The following LIN28B variants were observed in gnomAD, a reference collection of about 807,000 sequenced individuals.
LIN28B encodes protein lin-28 homolog B.
A neutral mutation model predicts 21.9 loss-of-function variants in LIN28B; 5 were observed. The ratio of observed to expected loss-of-function variants is 0.23; its 90% confidence interval spans 0.12 to 0.48. LIN28B has a LOEUF of 0.48. Among genes scored for constraint, LIN28B ranks in the 20% least tolerant of loss-of-function variants. The pLI, the probability that LIN28B is intolerant of heterozygous loss-of-function variation, is 0.98. For missense variants in LIN28B, 245 were observed against 310.5 expected (o/e 0.79, Z 1.58); for synonymous variants, 109 against 111.3 (o/e 0.98, Z 0.13).
Position 105,063,925 on chromosome 6 carries a change from T to C in LIN28B, c.384-14489T>C, listed in dbSNP as rs1582928270. Among the ~76,000 whole-genome samples, 3 of 150,400 alleles carry C rather than the reference T, an allele frequency of 2.0e-5. No individual in the cohort carries two copies. In the South Asian group the frequency reaches 6.2e-4, roughly 31 times the overall value. ...AATAATTATTATATTATAATTATTT[T>C]ATCTTTTAGTGTAGTTGGAAATAGG... On this transcript the variant is annotated intron_variant, in intron 3 of 3. Coordinates refer to ENST00000345080, the MANE Select transcript of LIN28B (RefSeq NM_001004317.4).
In LIN28B at chr6:105,043,561, C is replaced by T. The variant is rs186890549; in HGVS notation, c.383+17079C>T. On this transcript the variant is annotated intron_variant, in intron 3 of 3. Coordinates refer to ENST00000345080, the MANE Select transcript of LIN28B (RefSeq NM_001004317.4). ...AATTTTTAACCAGTTACTTAAAAAA[C>T]TTCTTTTGTTGATTTTTTTGTTTAT... Among the ~76,000 whole-genome samples the T allele has an allele frequency of 5.0e-3, 751 of 149,934 alleles. 4 individuals carry two copies. Among genetic ancestry groups the T allele is most frequent in the Non-Finnish European group, 7.6e-3 (511 of 67,560 alleles).
intron 2 of LIN28B, among the ~76,000 whole-genome samples, chr6:104,975,009 G>A (rs1770058034): frequency 6.6e-6 from 1 of 151,954 alleles, no homozygotes; most frequent in Non-Finnish European, 1.5e-5. Context: ...TAGTAGACAT[G>A]GGGTTTCACC....
At chr6:104,977,705 G>C (rs1351179424) in intron 2 of LIN28B, among the ~76,000 whole-genome samples, 1 of 152,040 alleles carries the variant, frequency 6.6e-6, no homozygotes, top group Non-Finnish European at 1.5e-5. Flanking sequence ...GTGGCTGGGA[G>C]TACAGGCGTG....
chr6:104,997,290 A>AAAAAAGAAAAG (rs71549426), intron 2 of LIN28B, among the ~76,000 whole-genome samples: 2 of 150,472 alleles, frequency 1.3e-5, no homozygotes, highest in South Asian at 2.1e-4. Flanking sequence ...CAAAAAAAAA[A>AAAAAAGAAAAG]AAAAAGAAAA....
At position 105,053,210 on chromosome 6, in the gene LIN28B, A is replaced by G. The variant is rs1771944894; in HGVS notation, c.384-25204A>G. Among the ~76,000 whole-genome samples the G allele has an allele frequency of 2.0e-5, 3 of 152,296 alleles. No homozygotes were observed. The South Asian group carries it at 6.2e-4, about 32-fold the overall frequency. ...GTGGTCAGAAAACATATTCTGTAAG[A>G]TTTCCACTTTGTGAAATTTATTGAC... On this transcript the variant is annotated intron_variant, in intron 3 of 3. Transcript: ENST00000345080.
chr6:104,963,654 T>A (rs1769799733), intron 2 of LIN28B, among the ~76,000 whole-genome samples: 1 of 152,186 alleles, frequency 6.6e-6, no homozygotes, highest in African/African-American at 2.4e-5. Flanking sequence ...CCTTGCCCCT[T>A]CAAATGCATA....
At chr6:104,991,963 C>T (rs975154561) in intron 2 of LIN28B, among the ~76,000 whole-genome samples, 12 of 147,740 alleles carry the variant, frequency 8.1e-5, no homozygotes, top group Non-Finnish European at 1.3e-4. Context: ...GGCAGCAGTA[C>T]AGTCCAGCTT....
intron 2 of LIN28B, among the ~76,000 whole-genome samples, chr6:104,982,916 A>G (rs917120498): frequency 1.3e-5 from 2 of 152,082 alleles, no homozygotes; most frequent in South Asian, 4.1e-4. Flanking sequence ...TTCCCACCTC[A>G]GCCTCTCATG....
At chr6:104,959,213 A>C (rs940036784) in intron 2 of LIN28B, among the ~76,000 whole-genome samples, 9 of 152,210 alleles carry the variant, frequency 5.9e-5, no homozygotes, top group African/African-American at 2.2e-4. Context: ...TTCCTCAAAA[A>C]AAGGTAAATA....
At chr6:105,029,080 T>G (rs1233188456) in intron 3 of LIN28B, among the ~76,000 whole-genome samples, 1 of 152,214 alleles carries the variant, frequency 6.6e-6, no homozygotes, top group African/African-American at 2.4e-5. Context: ...GAAGTCATTA[T>G]TGAGGTCTGA....
At chr6:104,991,883 C>T (rs1402540036) in intron 2 of LIN28B, among the ~76,000 whole-genome samples, 3 of 152,082 alleles carry the variant, frequency 2.0e-5, no homozygotes, top group African/African-American at 4.8e-5. Flanking sequence ...TGGCGGCGTG[C>T]GCCTGCAATC....
intron 3 of LIN28B, chr6:105,058,067 A>G (rs560762289): frequency 5.1e-6 from 2 of 392,316 alleles, no homozygotes; most frequent in African/African-American, 2.2e-5. Context: ...ACTTTTGTCT[A>G]CAGGAATTTT....
intron 2 of LIN28B, among the ~76,000 whole-genome samples, chr6:104,984,928 T>C (rs1770304459): frequency 6.6e-6 from 1 of 152,220 alleles, no homozygotes; most frequent in South Asian, 2.1e-4. Context: ...TGTTAAATTT[T>C]ATCTGCATTA....
At chr6:105,042,306 A>G (rs1404383472) in intron 3 of LIN28B, among the ~76,000 whole-genome samples, 3 of 152,326 alleles carry the variant, frequency 2.0e-5, no homozygotes, top group East Asian at 3.9e-4. Flanking sequence ...CTGTTTTTCA[A>G]GAAGACAATG....
At chr6:105,075,666 A>G (rs1449332809) in intron 3 of LIN28B, among the ~76,000 whole-genome samples, 1 of 152,220 alleles carries the variant, frequency 6.6e-6, no homozygotes, top group African/African-American at 2.4e-5. Flanking sequence ...AATAACTTTT[A>G]TAGCCCAAAT....
intron 2 of LIN28B, among the ~76,000 whole-genome samples, chr6:105,024,687 A>T (rs992794233): frequency 6.6e-6 from 1 of 152,222 alleles, no homozygotes; most frequent in Admixed American, 6.5e-5. Flanking sequence ...CACTAGAAGC[A>T]GGTTAATAAC....
chr6:105,066,862 G>C (rs1346475093), intron 3 of LIN28B, among the ~76,000 whole-genome samples: 1 of 151,848 alleles, frequency 6.6e-6, no homozygotes, highest in African/African-American at 2.4e-5. Flanking sequence ...ACAAAATAAT[G>C]TTATATTAAT....
chr6:104,985,951 G>T (rs759844070), intron 2 of LIN28B, among the ~76,000 whole-genome samples: 1 of 152,086 alleles, frequency 6.6e-6, no homozygotes, highest in Non-Finnish European at 1.5e-5. Flanking sequence ...TCAGGTGATT[G>T]CATATGTGTG....
intron 3 of LIN28B, among the ~76,000 whole-genome samples, chr6:105,050,637 A>T (rs1455873993): frequency 1.4e-5 from 2 of 145,806 alleles, no homozygotes; most frequent in Non-Finnish European, 3.0e-5. Context: ...AAAAAAAAGA[A>T]TGTTGAACAT....
Sources: allele counts gnomAD v4.1 joint callset (sites outside exome capture counted in the v4.1 genomes callset), GRCh38; gene constraint gnomAD v4.1.1; transcripts MANE v1.5; gene names NCBI Gene and HGNC (gene_info 2026-07-23, HGNC 2026-07-21).